UBE2W: variants seen among roughly 807,000 people sequenced by gnomAD.
The protein encoded by UBE2W is ubiquitin conjugating enzyme E2 W, also known as ubiquitin-conjugating enzyme E2 W.
Under a neutral mutation model 27.2 loss-of-function variants are expected in UBE2W, and 18 were observed. The observed-to-expected ratio is 0.66, with a 90% CI of 0.46 to 0.98. The LOEUF (loss-of-function observed/expected upper bound fraction) is 0.98, where lower values mean the gene tolerates loss of function less well. Ranked by LOEUF, UBE2W falls within the 50% of genes least tolerant of loss-of-function variation. The probability of loss-of-function intolerance (pLI) is 0.00; values close to 1 mark genes in which losing one functional copy is unlikely to be tolerated. For missense variants in UBE2W, 90 were observed against 180.2 expected (o/e 0.50, Z 2.87); for synonymous variants, 53 against 57.2 (o/e 0.93, Z 0.33).
intron 3 of UBE2W, among the ~76,000 whole-genome samples, chr8:73,815,185 T>C (rs1055965665): frequency 6.6e-6 from 1 of 152,160 alleles, no homozygotes; most frequent in Non-Finnish European, 1.5e-5. Flanking sequence ...AAGACCAGCC[T>C]GGGTAACAAA....
Position 73,792,807 on chromosome 8 carries a change from A to G in UBE2W, c.*1295T>C, listed in dbSNP as rs1808256424. Reference sequence around the variant, plus strand: ...TTTCAACAATTTTTTTTTTCTATAGAAAGTTTCATCTAGCTGTAAGCAAAG... The same window carrying G: ...TTTCAACAATTTTTTTTTTCTATAGGAAGTTTCATCTAGCTGTAAGCAAAG... On this transcript the variant is annotated 3_prime_UTR_variant, in exon 6 of 6. Transcript: ENST00000602593. The G allele has an allele frequency of 3.0e-6, 3 of 985,576 alleles. No individual in the cohort carries two copies. Among genetic ancestry groups the G allele is most frequent in the African/African-American group, 3.5e-5 (2 of 57,348 alleles). 61.1% of individuals were successfully genotyped at this position (985,576 alleles called of 1,614,324 possible).
intron 1 of UBE2W, among the ~76,000 whole-genome samples, chr8:73,872,901 CT>C (rs869161392): frequency 2.2e-3 from 293 of 132,582 alleles, no homozygotes; most frequent in Non-Finnish European, 2.5e-3. Flanking sequence ...TTTTTTTTTC[CT>C]TTTTTTTTTT....
chr8:73,840,365 T>C (rs2130926451), intron 1 of UBE2W, among the ~76,000 whole-genome samples: 1 of 152,342 alleles, frequency 6.6e-6, no homozygotes, highest in East Asian at 1.9e-4. Flanking sequence ...CAAAGCTCAT[T>C]CATTTCTAAA....
chr8:73,866,195 C>T (rs903709949), intron 1 of UBE2W, among the ~76,000 whole-genome samples: 7 of 146,458 alleles, frequency 4.8e-5, no homozygotes, highest in Middle Eastern at 3.5e-3. Context: ...TGCTTGAACC[C>T]GGGGGGTGGA....
Position 73,787,623 on chromosome 8 carries a change from C to T in UBE2W, c.*6479G>A. On this transcript the variant is annotated 3_prime_UTR_variant, in exon 6 of 6. Transcript: ENST00000602593. ...GAAAAGCTTAGAATTACCAGCAGAG[C>T]ATATTTAATTCCTCCTGTCAGGAAT... 1 of 985,392 alleles carries T rather than the reference C, an allele frequency of 1.0e-6. No individual in the cohort carries two copies. The highest frequency in any genetic ancestry group is 1.2e-6 in the Non-Finnish European group (1 of 829,924). 61.0% of individuals were successfully genotyped at this position (985,392 alleles called of 1,614,324 possible).
chr8:73,873,265 G>A (rs1016196475), intron 1 of UBE2W, among the ~76,000 whole-genome samples: 1 of 152,020 alleles, frequency 6.6e-6, no homozygotes, highest in Non-Finnish European at 1.5e-5. Context: ...ACAAACAGAC[G>A]TCGTATCTAA....
At chr8:73,804,575 AATG>A (rs1179243699) in intron 5 of UBE2W, among the ~76,000 whole-genome samples, 1 of 115,872 alleles carries the variant, frequency 8.6e-6, no homozygotes, top group Non-Finnish European at 1.9e-5. Context: ...TTTAAGGGAT[AATG>A]ATTAGAATAG....
rs957795454 is a variant in UBE2W at position 73,878,818 on chromosome 8, G to A, written c.5C>T (p.Ala2Val). The change falls in exon 1 of 6, where the codon GCG (alanine) becomes GTG (valine). Residue 2 changes from alanine to valine, a missense_variant. Physicochemically the swap from Ala to Val is moderately conservative, Grantham distance 64. Transcript: ENST00000602593. M[A>V]SMQKRLQKEL... ...GCAAACTCCTCTCACCTGCATTGAC[G>A]CCATGATGGAACCATCCCCCCAAGA... The A allele has an allele frequency of 6.4e-7, 1 of 1,550,888 alleles. No homozygotes were observed. The highest frequency in any genetic ancestry group is 8.7e-7 in the Non-Finnish European group (1 of 1,146,542).
At chr8:73,821,440 T>C (rs920244150) in intron 3 of UBE2W, among the ~76,000 whole-genome samples, 1 of 151,040 alleles carries the variant, frequency 6.6e-6, no homozygotes, top group Non-Finnish European at 1.5e-5. Context: ...CTTGATTCCA[T>C]AGGAAATAAA....
chr8:73,876,109 C>T (rs963808205), intron 1 of UBE2W, among the ~76,000 whole-genome samples: 1 of 152,008 alleles, frequency 6.6e-6, no homozygotes, highest in Non-Finnish European at 1.5e-5. Context: ...TTATCTGTCT[C>T]TTCTTATGAG....
chr8:73,833,656 C>T (rs1458593748), intron 1 of UBE2W: 1 of 106,304 alleles, frequency 9.4e-6, no homozygotes, highest in African/African-American at 3.5e-5. Flanking sequence ...CAGGCAAAAA[C>T]AAAACAAAAC....
chr8:73,859,187 T>C (rs1811440706), intron 1 of UBE2W, among the ~76,000 whole-genome samples: 2 of 152,134 alleles, frequency 1.3e-5, no homozygotes, highest in Admixed American at 1.3e-4. Context: ...CCTCTTCCTC[T>C]TCTCAGTCTA....
chr8:73,878,508 C>A (rs554989448), intron 1 of UBE2W, among the ~76,000 whole-genome samples: 1 of 152,246 alleles, frequency 6.6e-6, no homozygotes, highest in South Asian at 2.1e-4. Flanking sequence ...TGTGTGTGTG[C>A]GGGGAGCCGA....
At position 73,786,478 on chromosome 8, in the gene UBE2W, C is replaced by G; in HGVS notation, c.*7624G>C. 1.0e-6 allele frequency: 1 copy of G among 985,356 alleles called. No individual in the cohort carries two copies. Among genetic ancestry groups the G allele is most frequent in the Non-Finnish European group, 1.2e-6 (1 of 829,874 alleles). The allele number at this position is 985,356 out of a possible 1,614,324, so 61.0% of individuals were successfully genotyped here. A position where few individuals can be genotyped will look rare whatever the true frequency, so the allele number is the denominator to read the frequency against. ...GTGCTACGTGCTGGGGACACAAACA[C>G]AATTGCAACACTGTCCCTACTGTTA... On this transcript the variant is annotated 3_prime_UTR_variant, in exon 6 of 6. Transcript: ENST00000602593.
intron 5 of UBE2W, among the ~76,000 whole-genome samples, chr8:73,803,774 T>C (rs1036685972): frequency 1.8e-4 from 27 of 150,914 alleles, no homozygotes; most frequent in African/African-American, 3.4e-4. Context: ...CTTTTCTTTT[T>C]TTTTTTTTTT....
intron 1 of UBE2W, among the ~76,000 whole-genome samples, chr8:73,858,979 C>CGTGTGTGTGTGTGTGTGTGT (rs59095956): frequency 7.9e-6 from 1 of 125,924 alleles, no homozygotes; most frequent in Non-Finnish European, 1.7e-5. Flanking sequence ...GGGGTTTTTG[C>CGTGTGTGTGTGTGTGTGTGT]GTGTGTGTGT....
intron 3 of UBE2W, among the ~76,000 whole-genome samples, chr8:73,815,836 A>G (rs1809364800): frequency 6.6e-6 from 1 of 152,254 alleles, no homozygotes; most frequent in African/African-American, 2.4e-5. Context: ...CAGGGACAGT[A>G]TGAGGAAAAT....
chr8:73,822,122 G>C (rs1455329160), intron 3 of UBE2W, among the ~76,000 whole-genome samples: 1 of 152,146 alleles, frequency 6.6e-6, no homozygotes, highest in African/African-American at 2.4e-5. Flanking sequence ...CGGCCTGCTA[G>C]CCCATGCTCC....
Position 73,788,053 on chromosome 8 carries a change from A to G in UBE2W, c.*6049T>C. 1.0e-6 allele frequency: 1 copy of G among 985,364 alleles called. No individual in the cohort carries two copies. Among genetic ancestry groups the G allele is most frequent in the Non-Finnish European group, 1.2e-6 (1 of 829,870 alleles). The allele number at this position is 985,364 out of a possible 1,614,324, so 61.0% of individuals were successfully genotyped here. On this transcript the variant is annotated 3_prime_UTR_variant, in exon 6 of 6. Transcript: ENST00000602593. ...GTCTTTTGTGAAGAGAAACTACTGT[A>G]CAAATACTTTTACGTCATAAACCAA...
Sources: allele counts gnomAD v4.1 joint callset (sites outside exome capture counted in the v4.1 genomes callset), GRCh38; gene constraint gnomAD v4.1.1; transcripts MANE v1.5; gene names NCBI Gene and HGNC (gene_info 2026-07-23, HGNC 2026-07-21).